ACTN1: variants seen among roughly 807,000 people sequenced by gnomAD.
ACTN1 encodes actinin alpha 1.
Under a neutral mutation model 119.6 loss-of-function variants are expected in ACTN1, and 30 were observed. That is an observed-to-expected ratio of 0.25 (90% CI 0.19 to 0.34). The LOEUF (loss-of-function observed/expected upper bound fraction) is 0.34. Among genes scored for constraint, ACTN1 ranks in the 10% least tolerant of loss-of-function variants. The pLI, the probability that ACTN1 is intolerant of heterozygous loss-of-function variation, is 1.00. For missense variants in ACTN1, 764 were observed against 1,223.4 expected, an observed-to-expected ratio of 0.62 and a Z score of 5.60; for synonymous variants, 429 against 472.6, an observed-to-expected ratio of 0.91 and a Z score of 1.20.
chr14:68,951,062 GACGA>G (rs1223107325), intron 1 of ACTN1, among the ~76,000 whole-genome samples: 1 of 152,216 alleles, frequency 6.6e-6, no homozygotes, highest in Non-Finnish European at 1.5e-5. Flanking sequence ...GACGAAGGCA[GACGA>G]ACGGCAGGGC....
chr14:68,899,049 T>TCA (rs1180700540), intron 8 of ACTN1, among the ~76,000 whole-genome samples: 1 of 72,726 alleles, frequency 1.4e-5, no homozygotes, highest in Non-Finnish European at 2.7e-5. Context: ...ATGCCACACC[T>TCA]CACACCACAC....
At chr14:68,937,145 G>A (rs2035567527) in intron 1 of ACTN1, among the ~76,000 whole-genome samples, 3 of 151,630 alleles carry the variant, frequency 2.0e-5, no homozygotes, top group South Asian at 4.2e-4. Context: ...ACCCTCACTT[G>A]CAGTCCATTT....
intron 1 of ACTN1, 161 bp downstream of exon 1, chr14:68,978,791 G>T: frequency 2.2e-6 from 1 of 454,418 alleles, no homozygotes; most frequent in Non-Finnish European, 3.8e-6. Context: ...CCAGGCGCCT[G>T]TAACCCAACA....
At chr14:68,945,378 C>T (rs1441290793) in intron 1 of ACTN1, among the ~76,000 whole-genome samples, 2 of 151,950 alleles carry the variant, frequency 1.3e-5, no homozygotes, top group African/African-American at 4.8e-5. Flanking sequence ...CTCCTGAGAG[C>T]AGTGGAAGTC....
At chr14:68,923,150 T>C (rs1317790594) in intron 2 of ACTN1, among the ~76,000 whole-genome samples, 1 of 152,224 alleles carries the variant, frequency 6.6e-6, no homozygotes, top group Non-Finnish European at 1.5e-5. Context: ...GTCATTCTAA[T>C]GTTCCCGGAG....
intron 1 of ACTN1, among the ~76,000 whole-genome samples, chr14:68,953,606 C>T (rs943738312): frequency 5.3e-5 from 8 of 151,858 alleles, no homozygotes; most frequent in East Asian, 1.9e-4. Context: ...TGACCAGGCA[C>T]GGTGGCTCAC....
intron 1 of ACTN1, among the ~76,000 whole-genome samples, chr14:68,957,606 A>G (rs1342110999): frequency 6.6e-6 from 1 of 152,192 alleles, no homozygotes; most frequent in African/African-American, 2.4e-5. Context: ...TTCCTGCCCC[A>G]TATTCTGGGA....
chr14:68,891,386 G>T (rs1566604956), intron 10 of ACTN1, among the ~76,000 whole-genome samples: 1 of 152,138 alleles, frequency 6.6e-6, no homozygotes, highest in Non-Finnish European at 1.5e-5. Flanking sequence ...TAAGATTGGG[G>T]GTTTTCCTAA....
intron 1 of ACTN1, among the ~76,000 whole-genome samples, chr14:68,950,053 T>TG (rs534874523): frequency 2.2e-4 from 33 of 152,176 alleles, no homozygotes; most frequent in African/African-American, 7.7e-4. Flanking sequence ...CCCAGCACTT[T>TG]GGGAGGCTGA....
chr14:68,888,205 T>C (rs1360992443), intron 11 of ACTN1: 6 of 428,626 alleles, frequency 1.4e-5, no homozygotes, highest in Non-Finnish European at 1.7e-5. Context: ...CTTTAGACAG[T>C]CTCAAGAAAT....
intron 1 of ACTN1, among the ~76,000 whole-genome samples, chr14:68,954,814 C>T (rs1232591857): frequency 6.6e-6 from 1 of 152,202 alleles, no homozygotes; most frequent in East Asian, 1.9e-4. Context: ...ACACATCACT[C>T]GCTCTATTAG....
Position 68,874,574 on chromosome 14 carries a change from T to C in ACTN1, c.*285A>G, listed in dbSNP as rs182250143. 3.1e-4 allele frequency: 91 copies of C among 290,622 alleles called. No homozygotes were observed. In the Middle Eastern group the frequency reaches 6.5e-3, roughly 21 times the overall value. 18.0% of individuals were successfully genotyped at this position (290,622 alleles called of 1,614,324 possible). A position where few individuals can be genotyped will look rare whatever the true frequency, so the allele number is the denominator to read the frequency against. On this transcript the variant is annotated 3_prime_UTR_variant, in exon 22 of 22. Transcript: ENST00000394419. ...ACAAAACAAGACATTTCGGTGCAAA[T>C]AGTTAATCTTTCCTCTTTTTTTCCA... is the stretch of plus-strand genomic sequence containing the variant.
rs922695290 is a variant in ACTN1, at chr14:68,978,740, C to T, written c.105+212G>A. The T allele has an allele frequency of 2.9e-5, 11 of 373,790 alleles. 1 individual carries two copies. The highest frequency in any genetic ancestry group is 1.5e-4 in the Admixed American group (3 of 20,338). 23.2% of individuals were successfully genotyped at this position (373,790 alleles called of 1,614,324 possible). A position where few individuals can be genotyped will look rare whatever the true frequency, so the allele number is the denominator to read the frequency against. ...GGCGCCACCTCCCCGCGCTCCGGCC[C>T]GGCGTTCCCGGGCTCCGGGGCAGGG... is the stretch of plus-strand genomic sequence containing the variant. On this transcript the variant is annotated intron_variant, in intron 1 of 21. Transcript: ENST00000394419.
rs926674919 is a variant in ACTN1 at position 68,977,801 on chromosome 14, C to CCA, written c.105+1150_105+1151insTG. The CCA allele has an allele frequency of 1.1e-4, 24 of 227,698 alleles. No individual in the cohort carries two copies. In the East Asian group the frequency reaches 2.4e-3, roughly 23 times the overall value. 14.1% of individuals were successfully genotyped at this position (227,698 alleles called of 1,614,324 possible). A position where few individuals can be genotyped will look rare whatever the true frequency, so the allele number is the denominator to read the frequency against. Reference sequence around the variant, plus strand: ...TATCCAAAGGGACGCGCCATCCTGTCCCCCCCCCACCCAAAACCCCATTCC... The same window carrying CCA: ...TATCCAAAGGGACGCGCCATCCTGTCCACCCCCCCCACCCAAAACCCCATTCC... On this transcript the variant is annotated intron_variant, in intron 1 of 21. Coordinates refer to ENST00000394419, the MANE Select transcript of ACTN1 (RefSeq NM_001130004.2).
intron 1 of ACTN1, among the ~76,000 whole-genome samples, chr14:68,971,269 C>A (rs1433194776): frequency 3.9e-5 from 6 of 152,338 alleles, no homozygotes; most frequent in African/African-American, 1.4e-4. Flanking sequence ...AACCATTCAG[C>A]ATTTAATCAG....
At chr14:68,898,574 C>G (rs1193959764) in intron 8 of ACTN1, among the ~76,000 whole-genome samples, 1 of 152,100 alleles carries the variant, frequency 6.6e-6, no homozygotes, top group Admixed American at 6.5e-5. Context: ...ACAGACAAGA[C>G]AGGAGTGTGT....
chr14:68,941,799 TG>T (rs2035769517), intron 1 of ACTN1, among the ~76,000 whole-genome samples: 1 of 152,142 alleles, frequency 6.6e-6, no homozygotes, highest in Non-Finnish European at 1.5e-5. Flanking sequence ...CAAGGGATCA[TG>T]GGGGACACCT....
At chr14:68,910,264 T>C (rs1008769830) in intron 4 of ACTN1, among the ~76,000 whole-genome samples, 1 of 152,212 alleles carries the variant, frequency 6.6e-6, no homozygotes, top group Non-Finnish European at 1.5e-5. Flanking sequence ...GTGTTACACG[T>C]GTAAATTTTG....
Position 68,909,452 on chromosome 14 carries a change from C to A in ACTN1, c.516-56G>T. On this transcript the variant is annotated intron_variant, in intron 5 of 21. Coordinates refer to ENST00000394419, the MANE Select transcript of ACTN1 (RefSeq NM_001130004.2). The surrounding 1 kb of genome is among the most constrained non-coding windows in gnomAD (Gnocchi z 4.1). ...TGGTAAATGAGGCTGAACAAACGGG[C>A]AACCAGGGCAAAGCAGGGGCCTCCT... The A allele has an allele frequency of 2.6e-6, 4 of 1,566,056 alleles. No individual in the cohort carries two copies. The highest frequency in any genetic ancestry group is 3.5e-6 in the Non-Finnish European group (4 of 1,139,812).
Sources: allele counts gnomAD v4.1 joint callset (sites outside exome capture counted in the v4.1 genomes callset), GRCh38; gene constraint gnomAD v4.1.1; non-coding constraint Gnocchi (gnomAD v3.1); transcripts MANE v1.5; gene names NCBI Gene and HGNC (gene_info 2026-07-23, HGNC 2026-07-21).